PATJ: variants seen among roughly 807,000 people sequenced by gnomAD.
PATJ encodes inaD-like protein.
In PATJ, 190 loss-of-function variants were observed where a neutral mutation model predicts 224.9. The observed-to-expected ratio is 0.84, with a 90% CI of 0.75 to 0.95. The LOEUF (loss-of-function observed/expected upper bound fraction) is 0.95. Ranked by LOEUF, PATJ falls within the 40% of genes least tolerant of loss-of-function variation. The probability of loss-of-function intolerance (pLI) is 0.00; values close to 1 mark genes in which losing one functional copy is unlikely to be tolerated. For synonymous variants in PATJ, 769 were observed against 820.3 expected (o/e 0.94, Z 1.07); for missense variants, 2,121 against 2,270.3 (o/e 0.93, Z 1.34).
At chr1:61,840,162 C>G (rs952694074) in intron 17 of PATJ, among the ~76,000 whole-genome samples, 10 of 151,856 alleles carry the variant, frequency 6.6e-5, no homozygotes, top group Non-Finnish European at 1.5e-4. Flanking sequence ...GTAGTTTTGA[C>G]TGCCTATTAA....
chr1:61,836,683 T>G (rs1288367106), intron 17 of PATJ, among the ~76,000 whole-genome samples: 2 of 152,036 alleles, frequency 1.3e-5, no homozygotes, highest in Non-Finnish European at 2.9e-5. Flanking sequence ...AATTAATCGG[T>G]TATACCATCC....
intron 18 of PATJ, among the ~76,000 whole-genome samples, chr1:61,858,653 G>A (rs1226013016): frequency 1.3e-5 from 2 of 152,096 alleles, no homozygotes; most frequent in African/African-American, 4.8e-5. Flanking sequence ...ATCCACCCCT[G>A]TCACCCAAAC....
intron 30 of PATJ, among the ~76,000 whole-genome samples, chr1:62,048,532 C>A (rs1445529124): frequency 1.8e-5 from 2 of 109,522 alleles, no homozygotes; most frequent in South Asian, 7.2e-4. Flanking sequence ...GGCGACAGAG[C>A]GAGACTCTGT....
intron 27 of PATJ, among the ~76,000 whole-genome samples, chr1:61,979,477 ACT>A (rs1644330306): frequency 6.6e-6 from 1 of 151,756 alleles, no homozygotes; most frequent in Admixed American, 6.6e-5. Context: ...ACATGGTAAA[ACT>A]CTGTCTCTAC....
intron 41 of PATJ, among the ~76,000 whole-genome samples, chr1:62,134,226 G>C (rs982431699): frequency 2.2e-5 from 3 of 137,216 alleles, no homozygotes; most frequent in Non-Finnish European, 4.6e-5. Context: ...TTTTTTTTAA[G>C]AGAGAGACAA....
At chr1:61,988,376 C>T (rs1339554377) in intron 27 of PATJ, among the ~76,000 whole-genome samples, 1 of 152,094 alleles carries the variant, frequency 6.6e-6, no homozygotes, top group Admixed American at 6.5e-5. Flanking sequence ...CTTTATTTCT[C>T]CTGTTATGCT....
intron 24 of PATJ, among the ~76,000 whole-genome samples, chr1:61,906,356 A>G (rs1275066949): frequency 2.0e-5 from 3 of 151,912 alleles, no homozygotes; most frequent in African/African-American, 7.3e-5. Flanking sequence ...TTGTAGGGGG[A>G]ATGCAGGGAT....
chr1:61,784,048 G>A (rs561997513), intron 7 of PATJ, among the ~76,000 whole-genome samples: 109 of 152,296 alleles, frequency 7.2e-4, no homozygotes, highest in African/African-American at 2.6e-3. Context: ...GCCTCCCAAA[G>A]TGCTGGGATT....
intron 20 of PATJ, among the ~76,000 whole-genome samples, chr1:61,867,499 A>G (rs1665605788): frequency 1.3e-5 from 2 of 152,146 alleles, no homozygotes; most frequent in African/African-American, 4.8e-5. Flanking sequence ...TTAAGGCTGT[A>G]GATGAAACAG....
intron 20 of PATJ, among the ~76,000 whole-genome samples, chr1:61,871,078 T>TTTTTTTTTTTTTTTTTTTTTTG (rs1666273339): frequency 6.7e-6 from 1 of 149,670 alleles, no homozygotes; most frequent in Non-Finnish European, 1.5e-5. Context: ...TTGTTTTTTT[T>TTTTTTTTTTTTTTTTTTTTTTG]GTTTTTTTTT....
chr1:61,923,387 A>G (rs1674616254), intron 26 of PATJ, among the ~76,000 whole-genome samples: 1 of 152,214 alleles, frequency 6.6e-6, no homozygotes, highest in African/African-American at 2.4e-5. Context: ...AATTAGTATG[A>G]AAATAAAAAT....
intron 7 of PATJ, among the ~76,000 whole-genome samples, chr1:61,779,909 G>T (rs957283292): frequency 6.6e-6 from 1 of 152,004 alleles, no homozygotes; most frequent in Non-Finnish European, 1.5e-5. Context: ...GAAGTGGTGG[G>T]TGGGGGGCAA....
chr1:61,832,903 A>T (rs917564691), intron 16 of PATJ, among the ~76,000 whole-genome samples: 1 of 152,178 alleles, frequency 6.6e-6, no homozygotes, highest in African/African-American at 2.4e-5. Context: ...CCTCTCATTT[A>T]ACTTCCTGGA....
intron 12 of PATJ, among the ~76,000 whole-genome samples, chr1:61,803,627 A>G (rs566288943): frequency 6.6e-6 from 1 of 152,348 alleles, no homozygotes; most frequent in East Asian, 1.9e-4. Flanking sequence ...TACAGATTTT[A>G]AAAATGACAT....
At chr1:61,913,299 A>G (rs1264406324) in intron 25 of PATJ, among the ~76,000 whole-genome samples, 1 of 152,084 alleles carries the variant, frequency 6.6e-6, no homozygotes, top group Non-Finnish European at 1.5e-5. Context: ...CAGTGGTGCA[A>G]TTGTGGCTCA....
intron 13 of PATJ, among the ~76,000 whole-genome samples, chr1:61,806,046 A>G (rs1653475492): frequency 6.6e-6 from 1 of 152,246 alleles, no homozygotes; most frequent in Non-Finnish European, 1.5e-5. Flanking sequence ...CCAGTGGTCC[A>G]TTAGACTTCC....
intron 20 of PATJ, among the ~76,000 whole-genome samples, chr1:61,868,526 T>C (rs1052881005): frequency 6.6e-6 from 1 of 152,182 alleles, no homozygotes; most frequent in Non-Finnish European, 1.5e-5. Flanking sequence ...TGGTGGCTCA[T>C]GCCTGTAATC....
chr1:61,886,494 G>A (rs1165546092), intron 22 of PATJ, among the ~76,000 whole-genome samples: 2 of 152,016 alleles, frequency 1.3e-5, no homozygotes, highest in Non-Finnish European at 2.9e-5. Flanking sequence ...GTTAAAAATT[G>A]GACACAGAAA....
Position 62,121,212 on chromosome 1 carries a change from A to AT in PATJ, c.4923dup (p.Pro1642SerfsTer37). The AT allele has an allele frequency of 6.2e-7, 1 of 1,613,956 alleles. No homozygotes were observed. Among genetic ancestry groups the AT allele is most frequent in the Non-Finnish European group, 8.5e-7 (1 of 1,179,912 alleles). On this transcript the variant is annotated frameshift_variant, in exon 38 of 44. Coordinates refer to ENST00000642238, the MANE Select transcript of PATJ (RefSeq NM_001350145.3). LOFTEE classifies it high-confidence loss of function. ...CAGCAGAGTGCACACAGCAGCTGTC[A>AT]TCCCTCCTTCGCTCCTGTCATCACT... is the stretch of plus-strand genomic sequence containing the variant.
Sources: allele counts gnomAD v4.1 joint callset (sites outside exome capture counted in the v4.1 genomes callset), GRCh38; gene constraint gnomAD v4.1.1; transcripts MANE v1.5; gene names NCBI Gene and HGNC (gene_info 2026-07-23, HGNC 2026-07-21).